The following S100PBP variants were observed in gnomAD, a reference collection of about 807,000 sequenced individuals.
The protein encoded by S100PBP is S100P-binding protein.
In S100PBP, 15 loss-of-function variants were observed where a neutral mutation model predicts 39.9. The observed-to-expected ratio is 0.38, with a 90% CI of 0.25 to 0.58. The LOEUF is 0.58. Among genes scored for constraint, S100PBP ranks in the 20% least tolerant of loss-of-function variants. The pLI, the probability that S100PBP is intolerant of heterozygous loss-of-function variation, is 0.70. For missense variants in S100PBP, 504 were observed against 487.3 expected, an observed-to-expected ratio of 1.03 and a Z score of -0.32; for synonymous variants, 178 against 180.3, an observed-to-expected ratio of 0.99 and a Z score of 0.10.
At chr1:32,820,578 A>C (rs142165713) in intron 1 of S100PBP, 1 of 152,276 alleles carries the variant, frequency 6.6e-6, no homozygotes, top group East Asian at 1.9e-4. Flanking sequence ...ATCTCATTTA[A>C]TTCTTGCCAC....
In S100PBP at chr1:32,857,430, C is replaced by T. The variant is rs911767464; in HGVS notation, c.*1392C>T. On this transcript the variant is annotated 3_prime_UTR_variant, in exon 7 of 7. Transcript: ENST00000373475. Reference sequence around the variant, plus strand: ...GGTTCAAGGGATTCTCCTGTCTTAGCCTCCTGAGTAGCTGTGATTACAGGC... The same window carrying T: ...GGTTCAAGGGATTCTCCTGTCTTAGTCTCCTGAGTAGCTGTGATTACAGGC... The T allele has an allele frequency of 1.3e-5, 2 of 152,282 alleles. No individual in the cohort carries two copies. The highest frequency in any genetic ancestry group is 4.8e-5 in the African/African-American group (2 of 41,546). 9.4% of individuals were successfully genotyped at this position (152,282 alleles called of 1,614,324 possible).
intron 1 of S100PBP, among the ~76,000 whole-genome samples, chr1:32,823,923 G>A (rs1460716459): frequency 7.9e-5 from 12 of 152,204 alleles, no homozygotes; most frequent in Non-Finnish European, 1.6e-4. Flanking sequence ...ACTAGGCTGG[G>A]TGCAGTGGCT....
intron 5 of S100PBP, chr1:32,843,043 T>A (rs1640193073): frequency 6.6e-6 from 1 of 152,182 alleles, no homozygotes; most frequent in African/African-American, 2.4e-5. Flanking sequence ...GTAAAATGAT[T>A]TAGTTTTTAA....
chr1:32,826,222 G>C lies in S100PBP; in HGVS notation c.123G>C (p.Leu41=). ...EDGLDDSLLE[L]SEGEEDDGDV... ...GATTGGATGACTCCTTGCTGGAGCT[G>C]TCAGAGGGAGAAGAAGATGATGGTG... Residue 41 remains leucine (L), a synonymous_variant, in exon 3 of 7, where the codon CTG becomes CTC. Coordinates refer to ENST00000373475, the MANE Select transcript of S100PBP (RefSeq NM_022753.4). 1 of 1,614,178 alleles carries C rather than the reference G, an allele frequency of 6.2e-7. No homozygotes were observed.
intron 1 of S100PBP, among the ~76,000 whole-genome samples, chr1:32,822,072 T>C (rs1639096389): frequency 6.6e-6 from 1 of 152,118 alleles, no homozygotes; most frequent in South Asian, 2.1e-4. Context: ...TAAAAAAAAA[T>C]ATGACATAAG....
At chr1:32,821,599 C>T (rs945543315) in intron 1 of S100PBP, among the ~76,000 whole-genome samples, 3 of 150,230 alleles carry the variant, frequency 2.0e-5, no homozygotes, top group East Asian at 2.0e-4. Flanking sequence ...GGATTACAGG[C>T]GTGAGCCACT....
In S100PBP at chr1:32,829,997, A is replaced by T. The variant is rs752917324; in HGVS notation, c.954A>T (p.Leu318=). 1.3e-5 allele frequency: 21 copies of T among 1,613,928 alleles called. No individual in the cohort carries two copies. The East Asian group carries it at 4.5e-4, about 34-fold the overall frequency. Residue 318 remains leucine (L), a synonymous_variant, in exon 5 of 7, where the codon CTA becomes CTT. Transcript: ENST00000373475. The part of the protein sequence containing the change: ...TNVPTFSQSN[L]EQQKQLYLRS... ...TTCCGACGTTTTCACAGTCAAATCTAGAACAGCAGAAGCAGCTTTATCTCA... is the reference window on the plus strand; with the variant it reads ...TTCCGACGTTTTCACAGTCAAATCTTGAACAGCAGAAGCAGCTTTATCTCA...
chr1:32,846,132 G>C (rs1257243891), intron 5 of S100PBP, among the ~76,000 whole-genome samples: 2 of 151,990 alleles, frequency 1.3e-5, no homozygotes, highest in Non-Finnish European at 1.5e-5. Context: ...TGGGACTACA[G>C]GTGCATGCCA....
intron 5 of S100PBP, chr1:32,837,237 C>T (rs1639869861): frequency 6.8e-6 from 1 of 147,188 alleles, no homozygotes; most frequent in Admixed American, 6.7e-5. Context: ...ATAAGTTTAA[C>T]TTTTATTTCT....
At chr1:32,817,324 A>G, upstream of S100PBP, 1 of 1,569,170 alleles carries the variant, frequency 6.4e-7, no homozygotes, top group Non-Finnish European at 8.7e-7. Context: ...GCGTGCCGGG[A>G]ACTGTCACGC....
At chr1:32,847,345 T>C (rs535894053) in intron 5 of S100PBP, 1 of 152,324 alleles carries the variant, frequency 6.6e-6, no homozygotes, top group African/African-American at 2.4e-5. Context: ...TATAGACTTA[T>C]AAGAAGTTTC....
chr1:32,831,976 TACC>T, intron 5 of S100PBP, among the ~76,000 whole-genome samples: 2 of 152,324 alleles, frequency 1.3e-5, no homozygotes, highest in Middle Eastern at 3.4e-3. Flanking sequence ...TTCCCAGTAT[TACC>T]ACAACAATCT....
intron 5 of S100PBP, among the ~76,000 whole-genome samples, chr1:32,831,131 C>T (rs1639580907): frequency 6.6e-6 from 1 of 151,322 alleles, no homozygotes; most frequent in African/African-American, 2.4e-5. Flanking sequence ...ATTCAGCAAA[C>T]TTTCTCGAGT....
intron 3 of S100PBP, 63 bp downstream of exon 3, chr1:32,826,993 G>C: frequency 2.6e-6 from 3 of 1,147,936 alleles, no homozygotes; most frequent in Non-Finnish European, 3.7e-6. Context: ...ATGTATAGCA[G>C]AGTTTCCATA....
At chr1:32,818,621 G>C (rs1313033635) in intron 1 of S100PBP, 1 of 152,228 alleles carries the variant, frequency 6.6e-6, no homozygotes, top group Non-Finnish European at 1.5e-5. Context: ...TCTGTTCTCT[G>C]TGTCCATGTG....
intron 5 of S100PBP, among the ~76,000 whole-genome samples, chr1:32,846,371 T>TTC (rs1386152603): frequency 5.5e-4 from 84 of 152,084 alleles, no homozygotes; most frequent in African/African-American, 2.0e-3. Context: ...TTTTTTTTTT[T>TTC]TCCAGTCTCA....
chr1:32,857,836 A>G lies in S100PBP; in HGVS notation c.*1798A>G, dbSNP rs1427134285. 1.3e-5 allele frequency: 2 copies of G among 152,232 alleles called. No individual in the cohort carries two copies. Among genetic ancestry groups the G allele is most frequent in the East Asian group, 1.9e-4 (1 of 5,200 alleles). The allele number at this position is 152,232 out of a possible 1,614,324, so 9.4% of individuals were successfully genotyped here. A position where few individuals can be genotyped will look rare whatever the true frequency, so the allele number is the denominator to read the frequency against. ...GAACGCTTGGTCATTTAAGCCAACA[A>G]TAAATTTAGGTGAATGTCCCTAAGT... On this transcript the variant is annotated 3_prime_UTR_variant, in exon 7 of 7. Transcript: ENST00000373475.
At chr1:32,831,186 A>G (rs1454948879) in intron 5 of S100PBP, among the ~76,000 whole-genome samples, 2 of 152,178 alleles carry the variant, frequency 1.3e-5, no homozygotes, top group African/African-American at 2.4e-5. Context: ...GGAAATGGAA[A>G]TGTAAAGAGG....
intron 5 of S100PBP, among the ~76,000 whole-genome samples, chr1:32,832,604 A>T (rs1052083775): frequency 6.6e-6 from 1 of 152,088 alleles, no homozygotes; most frequent in African/African-American, 2.4e-5. Context: ...ATCCAAAATC[A>T]TAAGATTTGT....
Sources: gnomAD v4.1 joint callset for allele counts (sites outside exome capture counted in the v4.1 genomes callset) on GRCh38, gnomAD v4.1.1 for gene constraint, MANE v1.5 for transcripts, NCBI Gene and HGNC (gene_info 2026-07-23, HGNC 2026-07-21) for gene names.